EFNA5: variants seen among roughly 807,000 people sequenced by gnomAD.
The protein encoded by EFNA5 is ephrin-A5.
A neutral mutation model predicts 22.9 loss-of-function variants in EFNA5; 5 were observed. The observed-to-expected ratio is 0.22, with a 90% confidence interval of 0.11 to 0.46. The LOEUF is 0.46. Among genes scored for constraint, EFNA5 ranks in the 20% least tolerant of loss-of-function variants. The probability of loss-of-function intolerance (pLI) is 0.99; values close to 1 mark genes in which losing one functional copy is unlikely to be tolerated. For missense variants in EFNA5, 237 were observed against 293.3 expected (o/e 0.81, Z 1.40); for synonymous variants, 113 against 112.2 (o/e 1.01, Z -0.04).
At chr5:107,561,071 T>A (rs1369195463) in intron 1 of EFNA5, among the ~76,000 whole-genome samples, 1 of 152,182 alleles carries the variant, frequency 6.6e-6, no homozygotes, top group East Asian at 1.9e-4. Context: ...AGGGATATAA[T>A]CCCTGTTCAC....
intron 1 of EFNA5, among the ~76,000 whole-genome samples, chr5:107,459,819 A>C (rs1251400019): frequency 6.6e-6 from 1 of 152,144 alleles, no homozygotes; most frequent in African/African-American, 2.4e-5. Context: ...TCATATGAGG[A>C]AACATCAGAT....
Position 107,435,964 on chromosome 5 carries a change from G to A in EFNA5, c.126-8455C>T, listed in dbSNP as rs1580450233. On this transcript the variant is annotated intron_variant, in intron 1 of 4. Transcript: ENST00000333274. ...GCCAAATATTTAGAATTCATCAGCA[G>A]TTTATTATACTACCCTGTCACTTTT... Among the ~76,000 whole-genome samples the A allele has an allele frequency of 2.6e-5, 4 of 152,316 alleles. No homozygotes were observed. In the South Asian group the frequency reaches 8.3e-4, roughly 32 times the overall value.
intron 1 of EFNA5, among the ~76,000 whole-genome samples, chr5:107,649,122 G>C (rs916982711): frequency 6.6e-6 from 1 of 151,944 alleles, no homozygotes; most frequent in East Asian, 1.9e-4. Context: ...ACCACATCTC[G>C]GATCTTCTAA....
At chr5:107,476,361 T>C (rs1236566860) in intron 1 of EFNA5, among the ~76,000 whole-genome samples, 6 of 151,878 alleles carry the variant, frequency 4.0e-5, no homozygotes, top group South Asian at 2.1e-4. Context: ...TCAAGAACTA[T>C]ATTCTTGAGA....
At chr5:107,397,925 G>A (rs1001047712) in intron 2 of EFNA5, among the ~76,000 whole-genome samples, 4 of 152,164 alleles carry the variant, frequency 2.6e-5, no homozygotes, top group South Asian at 2.1e-4. Flanking sequence ...TCTCTGAGAC[G>A]GATTATCTGC....
intron 1 of EFNA5, among the ~76,000 whole-genome samples, chr5:107,665,725 G>A (rs1395322471): frequency 2.0e-5 from 3 of 152,028 alleles, no homozygotes; most frequent in Non-Finnish European, 4.4e-5. Context: ...GAATCAAATA[G>A]GTAGAACATA....
intron 1 of EFNA5, among the ~76,000 whole-genome samples, chr5:107,505,224 T>C (rs1041546902): frequency 2.6e-5 from 4 of 152,188 alleles, no homozygotes; most frequent in Non-Finnish European, 4.4e-5. Context: ...TGAGAAAAAA[T>C]GCTGTTCATT....
At position 107,493,213 on chromosome 5, in the gene EFNA5, GT is replaced by G. The variant is rs571288389; in HGVS notation, c.126-65705del. On this transcript the variant is annotated intron_variant, in intron 1 of 4. Coordinates refer to ENST00000333274, the MANE Select transcript of EFNA5 (RefSeq NM_001962.3). The stretch of plus-strand genomic sequence containing the variant: ...ACACCATAGTTGTTTTTTGTTTTTT[GT>G]TTTTTTTTTATCTTTTACAACCAAA... Among the ~76,000 whole-genome samples the G allele has an allele frequency of 4.5e-3, 634 of 142,086 alleles. 5 individuals carry two copies. The highest frequency in any genetic ancestry group is 0.011 in the African/African-American group (409 of 37,350). 93.2% of individuals were successfully genotyped at this position (142,086 alleles called of 152,430 possible).
In EFNA5 at chr5:107,379,909, A is replaced by T. The variant is rs926558447; in HGVS notation, c.*1346T>A. On this transcript the variant is annotated 3_prime_UTR_variant, in exon 5 of 5. Transcript: ENST00000333274. The stretch of plus-strand genomic sequence containing the variant: ...GTATTTTCTATTCTAGTGGATTTTT[A>T]AAAAAATATTTTGTTAAAGTCTTTG... The T allele has an allele frequency of 6.6e-6, 1 of 152,166 alleles. No homozygotes were observed. The highest frequency in any genetic ancestry group is 1.5e-5 in the Non-Finnish European group (1 of 68,032). 9.4% of individuals were successfully genotyped at this position (152,166 alleles called of 1,614,324 possible). A position where few individuals can be genotyped will look rare whatever the true frequency, so the allele number is the denominator to read the frequency against.
chr5:107,485,864 T>TA (rs1246031187), intron 1 of EFNA5, among the ~76,000 whole-genome samples: 1 of 152,214 alleles, frequency 6.6e-6, no homozygotes, highest in Non-Finnish European at 1.5e-5. Context: ...TCGTTTTTTT[T>TA]AAGCTAGATC....
chr5:107,565,352 A>G (rs164850), intron 1 of EFNA5, among the ~76,000 whole-genome samples: 28,416 of 152,198 alleles, frequency 0.19, 2,924 homozygotes, highest in African/African-American at 0.23. Flanking sequence ...TTATATTAAT[A>G]TTAGGGCTTC....
chr5:107,637,452 C>T (rs1750396405), intron 1 of EFNA5, among the ~76,000 whole-genome samples: 1 of 151,488 alleles, frequency 6.6e-6, no homozygotes, highest in African/African-American at 2.4e-5. Flanking sequence ...AGAGAGAAAG[C>T]ATATTATTAG....
chr5:107,548,892 G>A (rs1748226635), intron 1 of EFNA5, among the ~76,000 whole-genome samples: 1 of 152,154 alleles, frequency 6.6e-6, no homozygotes, highest in African/African-American at 2.4e-5. Context: ...TGCTCTAGAC[G>A]AGATTAAGAT....
intron 1 of EFNA5, among the ~76,000 whole-genome samples, chr5:107,488,609 G>T (rs1746709706): frequency 6.6e-6 from 1 of 152,130 alleles, no homozygotes. Flanking sequence ...GCTATACCTG[G>T]TTTTATTATG....
chr5:107,645,381 A>T (rs560726602), intron 1 of EFNA5, among the ~76,000 whole-genome samples: 79 of 152,316 alleles, frequency 5.2e-4, no homozygotes, highest in African/African-American at 1.9e-3. Flanking sequence ...TTAAATTTGT[A>T]CTACCCTTCA....
intron 1 of EFNA5, among the ~76,000 whole-genome samples, chr5:107,651,131 C>T (rs982054381): frequency 6.6e-6 from 1 of 152,190 alleles, no homozygotes; most frequent in African/African-American, 2.4e-5. Flanking sequence ...TTCTGTTAGA[C>T]AAACTGTATC....
intron 1 of EFNA5, among the ~76,000 whole-genome samples, chr5:107,569,559 T>TTATATTTATA (rs1554067019): frequency 7.1e-5 from 3 of 42,498 alleles, no homozygotes; most frequent in Admixed American, 2.6e-4. Context: ...ATATATATAT[T>TTATATTTATA]TATATATATA....
chr5:107,526,384 G>A (rs1041192059), intron 1 of EFNA5, among the ~76,000 whole-genome samples: 2 of 152,162 alleles, frequency 1.3e-5, no homozygotes, highest in Non-Finnish European at 2.9e-5. Flanking sequence ...CCAGTGTAAG[G>A]TTTGCCTGAA....
intron 1 of EFNA5, among the ~76,000 whole-genome samples, chr5:107,646,017 T>C (rs1750627400): frequency 6.6e-6 from 1 of 152,174 alleles, no homozygotes; most frequent in African/African-American, 2.4e-5. Flanking sequence ...AGAATAATCA[T>C]AGGTTAGCTC....
Sources: allele counts gnomAD v4.1 joint callset (sites outside exome capture counted in the v4.1 genomes callset), GRCh38; gene constraint gnomAD v4.1.1; transcripts MANE v1.5; gene names NCBI Gene and HGNC (gene_info 2026-07-23, HGNC 2026-07-21).